KDM3B: variants seen among roughly 807,000 people sequenced by gnomAD.
The protein encoded by KDM3B is lysine-specific demethylase 3B.
Under a neutral mutation model 170.0 loss-of-function variants are expected in KDM3B, and 10 were observed. The observed-to-expected ratio is 0.06, with a 90% CI of 0.04 to 0.10. The LOEUF is 0.10. KDM3B is among the 10% of genes least tolerant of loss of function. KDM3B has a pLI of 1.00. For missense variants in KDM3B, 1,394 were observed against 2,195.2 expected (o/e 0.64, Z 7.29); for synonymous variants, 831 against 834.8 (o/e 1.00, Z 0.08).
At chr5:138,359,411 C>T (rs1761541667) in intron 1 of KDM3B, among the ~76,000 whole-genome samples, 1 of 151,110 alleles carries the variant, frequency 6.6e-6, no homozygotes, top group Non-Finnish European at 1.5e-5. Flanking sequence ...ATCTGCCTAT[C>T]TCAGCCTCCC....
At chr5:138,432,934 C>T (rs1026127243) in intron 23 of KDM3B, among the ~76,000 whole-genome samples, 97 of 151,492 alleles carry the variant, frequency 6.4e-4, no homozygotes, top group African/African-American at 2.3e-3. Context: ...TTAGTAGAGA[C>T]GGGGTTTCAC....
chr5:138,433,060 A>G (rs1763577047), intron 23 of KDM3B, among the ~76,000 whole-genome samples: 1 of 149,796 alleles, frequency 6.7e-6, no homozygotes, highest in Non-Finnish European at 1.5e-5. Context: ...GGTTTTTCTT[A>G]ATTGCTGGTA....
chr5:138,395,387 T>C (rs1762521725), intron 9 of KDM3B, among the ~76,000 whole-genome samples: 1 of 152,138 alleles, frequency 6.6e-6, no homozygotes, highest in South Asian at 2.1e-4. Context: ...GCTAGTGAAG[T>C]AGCAGGAAAA....
At chr5:138,406,275 G>A (rs960260658) in intron 11 of KDM3B, among the ~76,000 whole-genome samples, 1 of 152,170 alleles carries the variant, frequency 6.6e-6, no homozygotes, top group African/African-American at 2.4e-5. Flanking sequence ...AGCCCAGAAG[G>A]GTGAGGCTGT....
chr5:138,355,992 C>T (rs1334751073), intron 1 of KDM3B, among the ~76,000 whole-genome samples: 1 of 152,162 alleles, frequency 6.6e-6, no homozygotes. Context: ...ACAATATTTG[C>T]ACCCTGCCTT....
intron 11 of KDM3B, among the ~76,000 whole-genome samples, chr5:138,401,010 C>T (rs1396663641): frequency 5.9e-5 from 9 of 151,946 alleles, no homozygotes; most frequent in Non-Finnish European, 8.8e-5. Flanking sequence ...CCATGGCTCA[C>T]GCCTGTAATC....
At chr5:138,435,553 C>A in intron 23 of KDM3B, 67 bp from the exon 24 acceptor site, 1 of 1,263,434 alleles carries the variant, frequency 7.9e-7, no homozygotes, top group Non-Finnish European at 1.1e-6. Context: ...AGTAGGCTTA[C>A]AGTCAAGGTA....
chr5:138,381,661 T>A, intron 6 of KDM3B, 71 bp downstream of exon 6: 2 of 908,256 alleles, frequency 2.2e-6, no homozygotes, highest in Non-Finnish European at 3.5e-6. Context: ...AGATCCCTTA[T>A]ATATGTGTTT....
At chr5:138,435,040 C>G (rs188855030) in intron 23 of KDM3B, among the ~76,000 whole-genome samples, 92 of 152,296 alleles carry the variant, frequency 6.0e-4, no homozygotes, top group Middle Eastern at 3.4e-3. Flanking sequence ...TCTTTATTCT[C>G]TTCACCTTAA....
intron 1 of KDM3B, among the ~76,000 whole-genome samples, chr5:138,359,878 C>G (rs1262608987): frequency 6.6e-6 from 1 of 152,000 alleles, no homozygotes; most frequent in Admixed American, 6.6e-5. Context: ...AAGACGGATT[C>G]TAAAATACTC....
chr5:138,428,212 T>A lies in KDM3B; in HGVS notation c.4753+126T>A, dbSNP rs925739442. 72 of 1,042,724 alleles carry A rather than the reference T, an allele frequency of 6.9e-5. 1 individual carries two copies. The highest frequency in any genetic ancestry group is 9.4e-5 in the Non-Finnish European group (68 of 726,552). 64.6% of individuals were successfully genotyped at this position (1,042,724 alleles called of 1,614,324 possible). ...TTTCTTTTTCTTTTTTCTGTTTTTT[T>A]TTTTGGGGGGCGGGGAGGCAGAGTC... is the stretch of plus-strand genomic sequence containing the variant. On this transcript the variant is annotated intron_variant, in intron 20 of 23. Coordinates refer to ENST00000314358, the MANE Select transcript of KDM3B (RefSeq NM_016604.4).
chr5:138,412,503 A>G (rs577535788), intron 11 of KDM3B, among the ~76,000 whole-genome samples: 9 of 152,002 alleles, frequency 5.9e-5, no homozygotes, highest in African/African-American at 2.2e-4. Context: ...AAAATTTAAA[A>G]ATTAGCGAGA....
intron 12 of KDM3B, 53 bp from the exon 13 acceptor site, chr5:138,417,430 G>A (rs1763132941): frequency 6.4e-7 from 1 of 1,560,010 alleles, no homozygotes; most frequent in Admixed American, 1.7e-5. Context: ...AGCACAATAT[G>A]TGGCATATAT....
At chr5:138,406,024 A>G (rs1012505152) in intron 11 of KDM3B, among the ~76,000 whole-genome samples, 2 of 152,200 alleles carry the variant, frequency 1.3e-5, no homozygotes, top group Non-Finnish European at 2.9e-5. Flanking sequence ...TAAGTAGTTC[A>G]AAAGAAGGCA....
intron 1 of KDM3B, among the ~76,000 whole-genome samples, chr5:138,353,761 C>G (rs933839701): frequency 2.6e-5 from 4 of 152,126 alleles, no homozygotes; most frequent in Admixed American, 2.6e-4. Context: ...GGGCTTGGCC[C>G]TTTTTGAATG....
chr5:138,373,356 A>G (rs1042789774), intron 2 of KDM3B, among the ~76,000 whole-genome samples: 3 of 152,192 alleles, frequency 2.0e-5, no homozygotes, highest in Non-Finnish European at 4.4e-5. Flanking sequence ...AAAAAAAACA[A>G]CAATGAAAAG....
At position 138,377,698 on chromosome 5, in the gene KDM3B, TTTC is replaced by T. The variant is rs764688055; in HGVS notation, c.475-16_475-14del. On this transcript the variant is annotated intron_variant, in intron 3 of 23. Transcript: ENST00000314358. ...GCTATTCATTTTAACATTCAGTTGTTTTCTTCTTTTATCTTTACCAGATGGGAA... is the reference window on the plus strand; with the variant it reads ...GCTATTCATTTTAACATTCAGTTGTTTTCTTTTATCTTTACCAGATGGGAA... 1.9e-6 allele frequency: 3 copies of T among 1,545,224 alleles called. No homozygotes were observed. Among genetic ancestry groups the T allele is most frequent in the African/African-American group, 1.4e-5 (1 of 73,420 alleles).
intron 11 of KDM3B, among the ~76,000 whole-genome samples, chr5:138,408,653 T>C (rs910987238): frequency 6.6e-6 from 1 of 152,250 alleles, no homozygotes. Context: ...ATCATGAACA[T>C]AGATGTAAAA....
chr5:138,433,040 A>G (rs1319407758), intron 23 of KDM3B, among the ~76,000 whole-genome samples: 1 of 150,228 alleles, frequency 6.7e-6, no homozygotes, highest in Admixed American at 6.6e-5. Context: ...CACTGCGCCC[A>G]GCCTGAAGAG....
Sources: gnomAD v4.1 joint callset for allele counts (sites outside exome capture counted in the v4.1 genomes callset) on GRCh38, gnomAD v4.1.1 for gene constraint, MANE v1.5 for transcripts, NCBI Gene and HGNC (gene_info 2026-07-23, HGNC 2026-07-21) for gene names.